Variants in CHD6 observed in about 807,000 individuals in gnomAD.
CHD6 encodes the protein ATP-dependent chromatin remodeler CHD6.
CHD6 carries 50 observed loss-of-function variants against 276.9 expected under a neutral mutation model. The ratio of observed to expected loss-of-function variants is 0.18; its 90% CI spans 0.14 to 0.23. The LOEUF (loss-of-function observed/expected upper bound fraction) is 0.23, where lower values mean the gene tolerates loss of function less well. Ranked by LOEUF, CHD6 falls within the 10% of genes least tolerant of loss-of-function variation. The probability of loss-of-function intolerance (pLI) is 1.00; values close to 1 mark genes in which losing one functional copy is unlikely to be tolerated. For missense variants in CHD6, 2,564 were observed against 3,365.8 expected (o/e 0.76, Z 5.89); for synonymous variants, 1,173 against 1,229.3 (o/e 0.95, Z 0.96).
chr20:41,486,492 TCTGATGCAAGCCTGACTTGCA>T (rs1289236165), intron 14 of CHD6, among the ~76,000 whole-genome samples: 1 of 152,170 alleles, frequency 6.6e-6, no homozygotes, highest in Non-Finnish European at 1.5e-5. Context: ...TATTCACTGC[TCTGATGCAAGCCTGACTTGCA>T]TCAGAAGTAG....
intron 1 of CHD6, among the ~76,000 whole-genome samples, chr20:41,607,157 A>G (rs1360403709): frequency 6.6e-6 from 1 of 152,110 alleles, no homozygotes; most frequent in African/African-American, 2.4e-5. Flanking sequence ...CCAGCAACAC[A>G]TTTCTTATGC....
At chr20:41,563,192 T>G (rs1026989407) in intron 1 of CHD6, among the ~76,000 whole-genome samples, 1 of 152,192 alleles carries the variant, frequency 6.6e-6, no homozygotes, top group Non-Finnish European at 1.5e-5. Flanking sequence ...AAGCCAGTAG[T>G]AGAAGTGACA....
At chr20:41,466,783 C>A (rs1235930949) in intron 17 of CHD6, among the ~76,000 whole-genome samples, 1 of 152,188 alleles carries the variant, frequency 6.6e-6, no homozygotes, top group Non-Finnish European at 1.5e-5. Context: ...CTTTCTTGCT[C>A]ACTGCCAGAA....
chr20:41,439,006 T>C (rs979335196), intron 26 of CHD6, among the ~76,000 whole-genome samples: 3 of 152,204 alleles, frequency 2.0e-5, no homozygotes, highest in Admixed American at 6.5e-5. Flanking sequence ...ACCTGGGCAA[T>C]GCAAAGCAGT....
intron 1 of CHD6, among the ~76,000 whole-genome samples, chr20:41,584,722 G>A (rs1417142598): frequency 6.6e-6 from 1 of 151,922 alleles, no homozygotes; most frequent in Non-Finnish European, 1.5e-5. Flanking sequence ...GGATCAAAAA[G>A]GAAGTAACAA....
intron 3 of CHD6, among the ~76,000 whole-genome samples, chr20:41,528,448 A>G (rs1482627156): frequency 2.0e-5 from 3 of 152,188 alleles, no homozygotes; most frequent in Admixed American, 2.0e-4. Flanking sequence ...AATAGTATAA[A>G]CATATGAGTT....
chr20:41,491,860 G>A (rs2043564248), intron 10 of CHD6, 41 bp from the exon 11 acceptor site: 19 of 1,610,168 alleles, frequency 1.2e-5, no homozygotes, highest in Non-Finnish European at 1.4e-5. Flanking sequence ...AGAGAATGAT[G>A]TTTTAGGAGC....
chr20:41,504,426 T>TA (rs1211781708), intron 5 of CHD6, among the ~76,000 whole-genome samples: 2 of 132,662 alleles, frequency 1.5e-5, no homozygotes, highest in African/African-American at 2.8e-5. Flanking sequence ...TTTTTTTTTT[T>TA]AGACAGGATC....
chr20:41,550,598 C>T (rs2045130612), intron 2 of CHD6, among the ~76,000 whole-genome samples: 2 of 152,174 alleles, frequency 1.3e-5, no homozygotes, highest in Admixed American at 1.3e-4. Flanking sequence ...CAGTGAAAAG[C>T]AGGGATTTAG....
intron 2 of CHD6, among the ~76,000 whole-genome samples, chr20:41,543,029 G>A (rs1299011875): frequency 1.3e-5 from 2 of 151,622 alleles, no homozygotes; most frequent in Admixed American, 6.6e-5. Context: ...GCTTGATTCC[G>A]GGAGGTGGAG....
At position 41,483,475 on chromosome 20, in the gene CHD6, G is replaced by A. The variant is rs1292830739; in HGVS notation, c.2302C>T (p.Pro768Ser). ...TGCAGCTGAAAGTCAGGGGCATCAG[G>A]GCTGTGGGTTTTTCGGAAATCTTCT... is the stretch of plus-strand genomic sequence containing the variant. ...ILEDFRKTHS[P>S]DAPDFQLQAM... The change falls in exon 16 of 37, where the codon CCT becomes TCT. Residue 768 changes from proline to serine, a missense_variant. Pro to Ser is a moderately conservative substitution (Grantham distance 74). Coordinates refer to ENST00000373233, the MANE Select transcript of CHD6 (RefSeq NM_032221.5). 6.2e-7 allele frequency: 1 copy of A among 1,613,338 alleles called. No individual in the cohort carries two copies. Among genetic ancestry groups the A allele is most frequent in the South Asian group, 1.1e-5 (1 of 90,990 alleles).
intron 1 of CHD6, among the ~76,000 whole-genome samples, chr20:41,565,495 C>T (rs565728992): frequency 6.6e-6 from 1 of 152,248 alleles, no homozygotes; most frequent in South Asian, 2.1e-4. Context: ...TGGATAAGTT[C>T]TATTACAGAC....
intron 3 of CHD6, among the ~76,000 whole-genome samples, chr20:41,520,707 T>C (rs1428063305): frequency 6.6e-6 from 1 of 150,834 alleles, no homozygotes; most frequent in Non-Finnish European, 1.5e-5. Flanking sequence ...CATTAGGAGA[T>C]ATAACTAATG....
chr20:41,613,830 A>G (rs2045911389), intron 1 of CHD6, among the ~76,000 whole-genome samples: 1 of 152,212 alleles, frequency 6.6e-6, no homozygotes, highest in Non-Finnish European at 1.5e-5. Context: ...CGCAGATGCA[A>G]ACAAAAATTT....
Position 41,529,041 on chromosome 20 carries a change from A to G in CHD6, c.554+4009T>C, listed in dbSNP as rs2044614397. Among the ~76,000 whole-genome samples, 2 of 152,212 alleles carry G rather than the reference A, an allele frequency of 1.3e-5. 1 individual carries two copies. The highest frequency in any genetic ancestry group is 4.1e-4 in the South Asian group (2 of 4,822). On this transcript the variant is annotated intron_variant, in intron 3 of 36. Transcript: ENST00000373233. ...TTCTGATCTTCCTTAGCAAAACATA[A>G]AAGACACACGGCTATGGAGAGAAAA...
At chr20:41,535,390 G>T (rs1043976815) in intron 2 of CHD6, among the ~76,000 whole-genome samples, 11 of 152,206 alleles carry the variant, frequency 7.2e-5, no homozygotes, top group African/African-American at 2.7e-4. Flanking sequence ...AGAAATGGAA[G>T]ATTAGTGATG....
At chr20:41,618,188 C>T (rs1275849661) in intron 1 of CHD6, among the ~76,000 whole-genome samples, 152 bp downstream of exon 1, 2 of 151,078 alleles carry the variant, frequency 1.3e-5, no homozygotes, top group Non-Finnish European at 3.0e-5. Flanking sequence ...GGACCCCAGC[C>T]CGGCCGGGCC....
intron 1 of CHD6, among the ~76,000 whole-genome samples, chr20:41,609,697 G>A (rs1458694274): frequency 6.6e-6 from 1 of 152,134 alleles, no homozygotes; most frequent in African/African-American, 2.4e-5. Context: ...AAGAGTCACT[G>A]CCTAAATGAC....
rs1196657678 is a variant in CHD6, at chr20:41,420,722, T to G, written c.5913A>C (p.Lys1971Asn). 1.1e-5 allele frequency: 17 copies of G among 1,614,202 alleles called. No individual in the cohort carries two copies. In the East Asian group the frequency reaches 3.6e-4, roughly 34 times the overall value. ...CACCCTCCATGGCGATAGTATTGGT[T>G]TTACTTTTGAACAGATCTGGGATAT... ...KAYIPDLFKS[K>N]TNTIAMEGEP... Residue 1971 changes from lysine (K) to asparagine (N), a missense_variant, in exon 31 of 37, where the codon AAA becomes AAC. By Grantham distance (94) the Lys-to-Asn change is moderately conservative. Coordinates refer to ENST00000373233, the MANE Select transcript of CHD6 (RefSeq NM_032221.5).
Sources: allele counts gnomAD v4.1 joint callset (sites outside exome capture counted in the v4.1 genomes callset), GRCh38; gene constraint gnomAD v4.1.1; transcripts MANE v1.5; gene names NCBI Gene and HGNC (gene_info 2026-07-23, HGNC 2026-07-21).